SNX10: variants seen among roughly 807,000 people sequenced by gnomAD.
SNX10 encodes the protein sorting nexin 10, also known as sorting nexin-10.
Under a neutral mutation model 28.5 loss-of-function variants are expected in SNX10, and 25 were observed. That is an observed-to-expected ratio of 0.88 (90% CI 0.64 to 1.22). The LOEUF (loss-of-function observed/expected upper bound fraction) is 1.22, where lower values mean the gene tolerates loss of function less well. SNX10 is among the 50% of genes most tolerant of loss of function. The probability of loss-of-function intolerance (pLI) is 0.00; values close to 1 mark genes in which losing one functional copy is unlikely to be tolerated. For missense variants in SNX10, 223 were observed against 242.6 expected, an observed-to-expected ratio of 0.92 and a Z score of 0.54; for synonymous variants, 62 against 81.4, an observed-to-expected ratio of 0.76 and a Z score of 1.28.
intron 5 of SNX10, 30 bp from the exon 6 acceptor site, chr7:26,371,791 C>T: frequency 6.7e-7 from 1 of 1,494,812 alleles, no homozygotes; most frequent in Non-Finnish European, 9.2e-7. Flanking sequence ...TCCTGTTCAC[C>T]AATTATTTTT....
At chr7:26,372,105 A>AGT in intron 6 of SNX10, 72 bp downstream of exon 6, 2 of 961,282 alleles carry the variant, frequency 2.1e-6, no homozygotes, top group Admixed American at 2.3e-5. Context: ...GCACGTGTAT[A>AGT]GATATATATA....
chr7:26,316,310 C>T (rs1327309657), intron 1 of SNX10, among the ~76,000 whole-genome samples: 1 of 152,018 alleles, frequency 6.6e-6, no homozygotes, highest in African/African-American at 2.4e-5. Flanking sequence ...TGATTTCAGA[C>T]CTGACAGCAA....
chr7:26,358,005 T>C (rs1301480375), intron 2 of SNX10, among the ~76,000 whole-genome samples: 1 of 152,012 alleles, frequency 6.6e-6, no homozygotes, highest in East Asian at 1.9e-4. Context: ...AGAATTGCAA[T>C]AGTGTGCAAA....
chr7:26,372,189 G>C, intron 6 of SNX10, 156 bp downstream of exon 6: 5 of 618,854 alleles, frequency 8.1e-6, no homozygotes, highest in Non-Finnish European at 1.4e-5. Context: ...ATTGAGCTGT[G>C]ACAGCTCATC....
At chr7:26,363,745 G>C (rs1003177191) in intron 3 of SNX10, among the ~76,000 whole-genome samples, 1 of 134,634 alleles carries the variant, frequency 7.4e-6, no homozygotes, top group Non-Finnish European at 1.7e-5. Flanking sequence ...CCTTAGGATA[G>C]CTGGAAGGAA....
At chr7:26,335,362 G>A (rs1376621305) in intron 1 of SNX10, among the ~76,000 whole-genome samples, 1 of 152,162 alleles carries the variant, frequency 6.6e-6, no homozygotes, top group South Asian at 2.1e-4. Context: ...CATTCTTAAA[G>A]AACCACCAAA....
chr7:26,323,969 A>G (rs1787403285), intron 1 of SNX10, among the ~76,000 whole-genome samples: 1 of 152,218 alleles, frequency 6.6e-6, no homozygotes, highest in Non-Finnish European at 1.5e-5. Flanking sequence ...TGCCGTGTTC[A>G]TGAAAGGAAT....
At chr7:26,346,731 G>A (rs1347580606) in intron 2 of SNX10, among the ~76,000 whole-genome samples, 1 of 152,132 alleles carries the variant, frequency 6.6e-6, no homozygotes, top group Non-Finnish European at 1.5e-5. Context: ...CCCACCCCTT[G>A]GCTTGGAGCA....
intron 5 of SNX10, among the ~76,000 whole-genome samples, chr7:26,371,498 A>G (rs1378206536): frequency 1.3e-5 from 2 of 152,206 alleles, no homozygotes; most frequent in African/African-American, 2.4e-5. Flanking sequence ...ATAACTTTCT[A>G]TGACTATATA....
chr7:26,311,270 C>T (rs937600741), intron 1 of SNX10, among the ~76,000 whole-genome samples: 1 of 152,238 alleles, frequency 6.6e-6, no homozygotes, highest in Non-Finnish European at 1.5e-5. Context: ...ATGCCTTAGC[C>T]TCCCAAGTAG....
intron 1 of SNX10, among the ~76,000 whole-genome samples, chr7:26,344,930 C>T (rs1788321696): frequency 6.6e-6 from 1 of 152,208 alleles, no homozygotes; most frequent in Non-Finnish European, 1.5e-5. Flanking sequence ...GAGCCCTGCT[C>T]CCCTGCAGAG....
At chr7:26,311,671 G>A (rs541703529) in intron 1 of SNX10, among the ~76,000 whole-genome samples, 2 of 152,056 alleles carry the variant, frequency 1.3e-5, no homozygotes, top group African/African-American at 4.8e-5. Context: ...AATTTTGAAG[G>A]GTTATAGAGG....
At chr7:26,294,718 T>C (rs1011770540) in intron 1 of SNX10, among the ~76,000 whole-genome samples, 1 of 152,240 alleles carries the variant, frequency 6.6e-6, no homozygotes, top group Non-Finnish European at 1.5e-5. Context: ...CTAATAGTTA[T>C]CTAGGGCTTA....
intron 1 of SNX10, among the ~76,000 whole-genome samples, chr7:26,337,169 A>C (rs556708290): frequency 2.6e-5 from 4 of 152,318 alleles, no homozygotes; most frequent in Admixed American, 2.6e-4. Flanking sequence ...TTTTATTTGC[A>C]CTTCTGTTAA....
chr7:26,355,160 C>A (rs1433087412), intron 2 of SNX10, among the ~76,000 whole-genome samples: 1 of 148,002 alleles, frequency 6.8e-6, no homozygotes, highest in African/African-American at 2.5e-5. Context: ...TGTAGGTCTC[C>A]CTCTGGGTTT....
chr7:26,332,851 C>T (rs73068414), intron 1 of SNX10, among the ~76,000 whole-genome samples: 11,515 of 152,128 alleles, frequency 0.076, 524 homozygotes, highest in Admixed American at 0.11. Flanking sequence ...TGAGTGGTTT[C>T]GGTGCCCTTG....
chr7:26,313,496 A>G (rs1157730317), intron 1 of SNX10, among the ~76,000 whole-genome samples: 2 of 152,162 alleles, frequency 1.3e-5, no homozygotes, highest in African/African-American at 2.4e-5. Context: ...AGGACCTACT[A>G]TATCTGGGAC....
At chr7:26,368,411 G>A (rs1293169463) in intron 5 of SNX10, among the ~76,000 whole-genome samples, 2 of 152,046 alleles carry the variant, frequency 1.3e-5, no homozygotes, top group African/African-American at 2.4e-5. Context: ...CCTTCTAATA[G>A]TTATGAAAAG....
chr7:26,353,475 G>T (rs1356942926), intron 2 of SNX10, among the ~76,000 whole-genome samples: 1 of 117,256 alleles, frequency 8.5e-6, no homozygotes, highest in Non-Finnish European at 1.7e-5. Flanking sequence ...GGGAGACAGA[G>T]TCTTGGTCTG....
Sources: allele counts gnomAD v4.1 joint callset (sites outside exome capture counted in the v4.1 genomes callset), GRCh38; gene constraint gnomAD v4.1.1; transcripts MANE v1.5; gene names NCBI Gene and HGNC (gene_info 2026-07-23, HGNC 2026-07-21).